Variants in POLB observed in about 807,000 individuals in gnomAD.
POLB encodes DNA polymerase beta.
POLB carries 37 observed loss-of-function variants against 52.7 expected under a neutral mutation model. The ratio of observed to expected loss-of-function variants is 0.70; its 90% confidence interval spans 0.54 to 0.92. The LOEUF is 0.92. Ranked by LOEUF, POLB falls within the 40% of genes least tolerant of loss-of-function variation. The pLI is 0.00. For synonymous variants in POLB, 138 were observed against 131.3 expected (o/e 1.05, Z -0.35); for missense variants, 313 against 400.8 (o/e 0.78, Z 1.87).
At chr8:42,348,954 C>T in intron 3 of POLB, 62 bp from the exon 4 acceptor site, 1 of 882,894 alleles carries the variant, frequency 1.1e-6, no homozygotes. Flanking sequence ...TTTACTTTAT[C>T]TTTTAGTGAT....
chr8:42,365,838 G>A (rs1585917447), intron 11 of POLB, among the ~76,000 whole-genome samples: 1 of 152,154 alleles, frequency 6.6e-6, no homozygotes, highest in African/African-American at 2.4e-5. Context: ...GGTGGCTCAC[G>A]CCTGTAATCC....
At chr8:42,366,194 T>TA (rs1158453332) in intron 11 of POLB, among the ~76,000 whole-genome samples, 1 of 151,920 alleles carries the variant, frequency 6.6e-6, no homozygotes, top group Non-Finnish European at 1.5e-5. Context: ...ATCTTGTTGA[T>TA]AGTGTTGGAC....
chr8:42,343,369 T>TGTATACAC lies in POLB; in HGVS notation c.120-1584_120-1583insGTATACAC, dbSNP rs1554531653. On this transcript the variant is annotated intron_variant, in intron 2 of 13. Coordinates refer to ENST00000265421, the MANE Select transcript of POLB (RefSeq NM_002690.3). ...AAATATATATATATATATATATATA[T>TGTATACAC]ACACAAAATTAGCCAGGTGTGGTAG... Among the ~76,000 whole-genome samples the TGTATACAC allele has an allele frequency of 3.0e-4, 11 of 36,288 alleles. 1 individual carries two copies. Among genetic ancestry groups the TGTATACAC allele is most frequent in the Non-Finnish European group, 5.9e-4 (8 of 13,502 alleles). The allele number at this position is 36,288 out of a possible 152,430, so 23.8% of individuals were successfully genotyped here.
In POLB at chr8:42,369,297, T is replaced by A; in HGVS notation, c.735T>A (p.Asn245Lys). 1 of 1,592,210 alleles carries A rather than the reference T, an allele frequency of 6.3e-7. No individual in the cohort carries two copies. Among genetic ancestry groups the A allele is most frequent in the Non-Finnish European group, 8.6e-7 (1 of 1,161,364 alleles). The change falls in exon 12 of 14, where the codon AAT becomes AAA. Residue 245 changes from asparagine to lysine, a missense_variant. Coordinates refer to ENST00000265421, the MANE Select transcript of POLB (RefSeq NM_002690.3). The stretch of plus-strand genomic sequence containing the variant: ...GTGTTTGCCAGCTTCCCAGTAAAAA[T>A]GATGAAAAAGAATATCCACACAGAA... ...FMGVCQLPSK[N>K]DEKEYPHRRI... is the part of the protein sequence containing the mutation.
At chr8:42,362,401 ATGT>A (rs1823759374) in intron 10 of POLB, among the ~76,000 whole-genome samples, 1 of 151,546 alleles carries the variant, frequency 6.6e-6, no homozygotes, top group Non-Finnish European at 1.5e-5. Context: ...TTCAGGCATG[ATGT>A]TGTTCCTGGT....
chr8:42,352,591 A>C (rs1486599833), intron 6 of POLB, 23 bp downstream of exon 6: 1 of 1,431,064 alleles, frequency 7.0e-7, no homozygotes, highest in South Asian at 1.1e-5. Flanking sequence ...GTAGGTCACT[A>C]ATTCCAGATT....
chr8:42,354,349 T>G (rs964117074), intron 6 of POLB: 37 of 543,536 alleles, frequency 6.8e-5, no homozygotes, highest in Admixed American at 2.5e-5. Flanking sequence ...ATGTGTATAT[T>G]TGTGGCTATA....
Position 42,369,301 on chromosome 8 carries a change from GAAA to G in POLB, c.742_744del (p.Lys248del). ...TTGCCAGCTTCCCAGTAAAAATGAT[GAAA>G]AAGAATATCCACACAGAAGAATTGA... On this transcript the variant is annotated inframe_deletion, in exon 12 of 14. Coordinates refer to ENST00000265421, the MANE Select transcript of POLB (RefSeq NM_002690.3). 1 of 1,593,948 alleles carries G rather than the reference GAAA, an allele frequency of 6.3e-7. No homozygotes were observed. Among genetic ancestry groups the G allele is most frequent in the Non-Finnish European group, 8.6e-7 (1 of 1,163,084 alleles).
intron 2 of POLB, among the ~76,000 whole-genome samples, chr8:42,343,379 T>G (rs1174468459): frequency 1.2e-5 from 1 of 86,646 alleles, no homozygotes; most frequent in African/African-American, 3.8e-5. Context: ...TACACAAAAT[T>G]AGCCAGGTGT....
Position 42,358,473 on chromosome 8 carries a change from G to A in POLB, c.550+1081G>A, listed in dbSNP as rs528574413. ...GCCGAGATCAAGCCGCTGCACTCCA[G>A]CCTGGGCGACAGAGCGAGACTCCAT... On this transcript the variant is annotated intron_variant, in intron 9 of 13. Coordinates refer to ENST00000265421, the MANE Select transcript of POLB (RefSeq NM_002690.3). Among the ~76,000 whole-genome samples the A allele has an allele frequency of 4.0e-4, 61 of 152,008 alleles. 2 individuals are homozygous for A. In the South Asian group the frequency reaches 7.9e-3, roughly 20 times the overall value.
intron 7 of POLB, among the ~76,000 whole-genome samples, chr8:42,356,382 ATATGCTT>A (rs1823317239): frequency 6.6e-6 from 1 of 152,248 alleles, no homozygotes; most frequent in Admixed American, 6.5e-5. Context: ...ATGCTGAAGC[ATATGCTT>A]AGTTGCTGTT....
intron 13 of POLB, 22 bp from the exon 14 acceptor site, chr8:42,371,541 G>A (rs766864926): frequency 1.4e-6 from 2 of 1,463,838 alleles, no homozygotes; most frequent in Non-Finnish European, 9.5e-7. Flanking sequence ...CTTACAATAA[G>A]TTTTTCTCTC....
At chr8:42,340,328 C>A (rs1298367583) in intron 2 of POLB, among the ~76,000 whole-genome samples, 3 of 152,154 alleles carry the variant, frequency 2.0e-5, no homozygotes. Context: ...TAGTAGGTGG[C>A]AGTCAAAATG....
At chr8:42,354,148 A>G (rs1563398361) in intron 6 of POLB, among the ~76,000 whole-genome samples, 1 of 152,170 alleles carries the variant, frequency 6.6e-6, no homozygotes, top group Non-Finnish European at 1.5e-5. Flanking sequence ...TTTATATTTC[A>G]CAATTCACAC....
Position 42,338,583 on chromosome 8 carries a change from C to G in POLB, c.-42C>G, listed in dbSNP as rs780281312. ...CTTCAAGCTGGGAGAGGGCTCTAGTCCCTGGTTCTGAACACTCTGGGGTTC... is the reference window on the plus strand; with the variant it reads ...CTTCAAGCTGGGAGAGGGCTCTAGTGCCTGGTTCTGAACACTCTGGGGTTC... On this transcript the variant is annotated 5_prime_UTR_variant, in exon 1 of 14. Transcript: ENST00000265421. 27 of 1,583,012 alleles carry G rather than the reference C, an allele frequency of 1.7e-5. No individual in the cohort carries two copies. Among genetic ancestry groups the G allele is most frequent in the Non-Finnish European group, 2.3e-5 (26 of 1,151,734 alleles).
chr8:42,338,694 C>G lies in POLB; in HGVS notation c.61+9C>G. On this transcript the variant is annotated intron_variant, in intron 1 of 13. Coordinates refer to ENST00000265421, the MANE Select transcript of POLB (RefSeq NM_002690.3). ...CACCGACATGCTCACAGGTTAGCAC[C>G]GGGCCGGGCCCCGCTGGCTTTCTTC... 1.9e-6 allele frequency: 3 copies of G among 1,612,966 alleles called. No homozygotes were observed. The highest frequency in any genetic ancestry group is 2.5e-6 in the Non-Finnish European group (3 of 1,178,916).
chr8:42,357,716 CCTTT>C (rs2130824210), intron 9 of POLB: 1 of 226,300 alleles, frequency 4.4e-6, no homozygotes, highest in African/African-American at 2.4e-5. Context: ...TGTTAATTTA[CCTTT>C]CTTTTTCCTT....
At chr8:42,371,403 G>A (rs1475548377) in intron 13 of POLB, among the ~76,000 whole-genome samples, 160 bp from the exon 14 acceptor site, 7 of 151,514 alleles carry the variant, frequency 4.6e-5, no homozygotes, top group African/African-American at 9.7e-5. Context: ...GATTACAGGC[G>A]TGAGCTACCA....
At position 42,349,989 on chromosome 8, in the gene POLB, C is replaced by CTTTTTTTTTT; in HGVS notation, c.262-17_262-8dup. 2 of 1,424,148 alleles carry CTTTTTTTTTT rather than the reference C, an allele frequency of 1.4e-6. No individual in the cohort carries two copies. The highest frequency in any genetic ancestry group is 1.9e-6 in the Non-Finnish European group (2 of 1,028,726). 88.2% of individuals were successfully genotyped at this position (1,424,148 alleles called of 1,614,324 possible). A position where few individuals can be genotyped will look rare whatever the true frequency, so the allele number is the denominator to read the frequency against. On this transcript the variant is annotated splice_polypyrimidine_tract_variant and intron_variant, in intron 4 of 13. Transcript: ENST00000265421. ...AAAGCATTCCTAAATCATTGTTAGA[C>CTTTTTTTTTT]TTTTTTTTTTCTTAAAGATTCGGCA...
Sources: allele counts gnomAD v4.1 joint callset (sites outside exome capture counted in the v4.1 genomes callset), GRCh38; gene constraint gnomAD v4.1.1; transcripts MANE v1.5; gene names NCBI Gene and HGNC (gene_info 2026-07-23, HGNC 2026-07-21).